The following SERTAD2 variants were observed in gnomAD, a reference collection of about 807,000 sequenced individuals.
SERTAD2 encodes SERTA domain-containing protein 2.
A neutral mutation model predicts 15.4 loss-of-function variants in SERTAD2; 2 were observed. The ratio of observed to expected loss-of-function variants is 0.13; its 90% CI spans 0.05 to 0.41. SERTAD2 has a LOEUF of 0.41. Among genes scored for constraint, SERTAD2 ranks in the 10% least tolerant of loss-of-function variants. SERTAD2 has a pLI of 0.99. For missense variants in SERTAD2, 333 were observed against 409.7 expected, an observed-to-expected ratio of 0.81 and a Z score of 1.62; for synonymous variants, 180 against 178.0, an observed-to-expected ratio of 1.01 and a Z score of -0.09.
At chr2:64,641,376 G>A (rs540252764) in intron 1 of SERTAD2, among the ~76,000 whole-genome samples, 8 of 152,312 alleles carry the variant, frequency 5.3e-5, no homozygotes, top group African/African-American at 1.4e-4. Flanking sequence ...TGGGCTGGGG[G>A]CGGCCGGGAG....
At chr2:64,649,234 GGGGTACACCAGCA>G (rs1448144973) in intron 1 of SERTAD2, among the ~76,000 whole-genome samples, 4 of 152,208 alleles carry the variant, frequency 2.6e-5, no homozygotes, top group Non-Finnish European at 5.9e-5. Context: ...ACACAAGGGT[GGGGTACACCAGCA>G]GGCCTGCTCC....
At chr2:64,641,236 A>C (rs2104343648) in intron 1 of SERTAD2, among the ~76,000 whole-genome samples, 1 of 152,314 alleles carries the variant, frequency 6.6e-6, no homozygotes, top group East Asian at 1.9e-4. Context: ...CAAAAGTAAC[A>C]AATGTCACTA....
chr2:64,638,678 A>G (rs1301721025), intron 1 of SERTAD2, among the ~76,000 whole-genome samples: 1 of 137,432 alleles, frequency 7.3e-6, no homozygotes, highest in Non-Finnish European at 1.6e-5. Flanking sequence ...ATTTCCCCTC[A>G]TTTTGTTAAC....
intron 1 of SERTAD2, among the ~76,000 whole-genome samples, chr2:64,647,924 A>C (rs1457739823): frequency 6.6e-6 from 1 of 152,218 alleles, no homozygotes; most frequent in Non-Finnish European, 1.5e-5. Context: ...TCATGCCTTC[A>C]AATCTGGATG....
At chr2:64,652,518 T>G (rs1027895012) in intron 1 of SERTAD2, among the ~76,000 whole-genome samples, 1 of 152,248 alleles carries the variant, frequency 6.6e-6, no homozygotes, top group African/African-American at 2.4e-5. Flanking sequence ...ACACACATTA[T>G]GGATATTTCT....
rs150104707 is a variant in SERTAD2 at position 64,637,003 on chromosome 2, C to T, written c.-4-128G>A. The T allele has an allele frequency of 2.4e-3, 1,547 of 636,046 alleles. 14 individuals carry two copies. The African/African-American group carries it at 0.025, about 10-fold the overall frequency. 39.4% of individuals were successfully genotyped at this position (636,046 alleles called of 1,614,324 possible). On this transcript the variant is annotated intron_variant, in intron 1 of 1. Coordinates refer to ENST00000313349, the MANE Select transcript of SERTAD2 (RefSeq NM_014755.3). ...CTGCCCAGGGTTATTTACAAGTACACGTGGATTAATTAGGGGTGGGAGGAA... is the reference window on the plus strand; with the variant it reads ...CTGCCCAGGGTTATTTACAAGTACATGTGGATTAATTAGGGGTGGGAGGAA...
intron 1 of SERTAD2, 71 bp from the exon 2 acceptor site, chr2:64,636,946 G>T: frequency 8.9e-7 from 1 of 1,129,276 alleles, no homozygotes; most frequent in Non-Finnish European, 1.3e-6. Flanking sequence ...AAAAGAGACT[G>T]ATTTAGAGGG....
chr2:64,652,806 C>T (rs1323444442), intron 1 of SERTAD2, among the ~76,000 whole-genome samples: 2 of 151,878 alleles, frequency 1.3e-5, no homozygotes, highest in Non-Finnish European at 1.5e-5. Context: ...ACCTAAAACT[C>T]GACTCCCATC....
intron 1 of SERTAD2, among the ~76,000 whole-genome samples, chr2:64,642,608 A>G (rs531791641): frequency 1.3e-5 from 2 of 152,162 alleles, no homozygotes; most frequent in South Asian, 4.1e-4. Context: ...TTTCCAAACT[A>G]CCACTTCTGT....
At chr2:64,642,723 G>GGGGGGC (rs1558654148) in intron 1 of SERTAD2, among the ~76,000 whole-genome samples, 1 of 152,170 alleles carries the variant, frequency 6.6e-6, no homozygotes, top group African/African-American at 2.4e-5. Flanking sequence ...CCCTGGGTTG[G>GGGGGGC]GGGGGCAGGG....
In SERTAD2 at chr2:64,635,638, A is replaced by G; in HGVS notation, c.*289T>C. On this transcript the variant is annotated 3_prime_UTR_variant, in exon 2 of 2. Transcript: ENST00000313349. Reference sequence around the variant, plus strand: ...CAACTTAATCCTTGTGCTTCACTTGAACTGTTTATTTTTGTCATTCAACAT... The same window carrying G: ...CAACTTAATCCTTGTGCTTCACTTGGACTGTTTATTTTTGTCATTCAACAT... 3.2e-6 allele frequency: 1 copy of G among 308,012 alleles called. No individual in the cohort carries two copies. The highest frequency in any genetic ancestry group is 6.1e-6 in the Non-Finnish European group (1 of 164,788). The allele number at this position is 308,012 out of a possible 1,614,324, so 19.1% of individuals were successfully genotyped here. A position where few individuals can be genotyped will look rare whatever the true frequency, so the allele number is the denominator to read the frequency against.
intron 1 of SERTAD2, among the ~76,000 whole-genome samples, chr2:64,640,798 C>T (rs1674760831): frequency 6.6e-6 from 1 of 152,134 alleles, no homozygotes; most frequent in African/African-American, 2.4e-5. Flanking sequence ...TTCTAAAGAC[C>T]CAAAGTGCCC....
chr2:64,644,095 G>A (rs1283149635), intron 1 of SERTAD2, among the ~76,000 whole-genome samples: 1 of 152,126 alleles, frequency 6.6e-6, no homozygotes, highest in African/African-American at 2.4e-5. Flanking sequence ...GAAGTGTGGC[G>A]ATTGTCTTAT....
At chr2:64,639,590 A>C (rs777576512) in intron 1 of SERTAD2, among the ~76,000 whole-genome samples, 28 of 151,964 alleles carry the variant, frequency 1.8e-4, no homozygotes, top group Non-Finnish European at 3.2e-4. Flanking sequence ...GATGGTGTAG[A>C]CTCTTCTTAC....
In SERTAD2 at chr2:64,636,000, A is replaced by G. The variant is rs1454796299; in HGVS notation, c.872T>C (p.Val291Ala). 2.5e-6 allele frequency: 4 copies of G among 1,614,044 alleles called. No homozygotes were observed. The highest frequency in any genetic ancestry group is 2.7e-5 in the African/African-American group (2 of 74,912). ...CATTTTGAAAGGCTGACTTGGGGTGACAGGCTGACTGCTGTAAGGAGCCAG... is the reference window on the plus strand; with the variant it reads ...CATTTTGAAAGGCTGACTTGGGGTGGCAGGCTGACTGCTGTAAGGAGCCAG... Reference protein sequence around the residue: ...KTLAPYSSQPVTPSQPFKMDL... With the variant: ...KTLAPYSSQPATPSQPFKMDL... Residue 291 changes from valine (V) to alanine (A), a missense_variant, in exon 2 of 2, where the codon GTC becomes GCC. Physicochemically the swap from Val to Ala is moderately conservative, Grantham distance 64 (BLOSUM62 0). Around this residue, in one of 2 missense-constraint regions of SERTAD2, gnomAD observed 332 missense variants for 392.9 expected, o/e 0.84. Transcript: ENST00000313349.
intron 1 of SERTAD2, among the ~76,000 whole-genome samples, chr2:64,642,531 C>T (rs1366561099): frequency 1.3e-5 from 2 of 151,630 alleles, no homozygotes; most frequent in African/African-American, 4.9e-5. Flanking sequence ...AATTACTGTC[C>T]TTTAATGTTA....
chr2:64,642,419 T>C (rs1286955357), intron 1 of SERTAD2, among the ~76,000 whole-genome samples: 2 of 152,146 alleles, frequency 1.3e-5, no homozygotes. Context: ...GGAAAAAAAA[T>C]GCAAACAATT....
chr2:64,645,050 A>C (rs1160340942), intron 1 of SERTAD2: 2 of 151,618 alleles, frequency 1.3e-5, no homozygotes, highest in Middle Eastern at 3.2e-3. Context: ...AAAAAAAAAA[A>C]AAAAACACCA....
In SERTAD2 at chr2:64,636,793, C is replaced by T. The variant is rs776716971; in HGVS notation, c.79G>A (p.Gly27Ser). Reference sequence around the variant, plus strand: ...AAGGTGTAAGACACCTTGGATGGACCGTCACAGGGAGACACGATTTTGCCT... The same window carrying T: ...AAGGTGTAAGACACCTTGGATGGACTGTCACAGGGAGACACGATTTTGCCT... ...LEGKIVSPCDGPSKVSYTLQR... is the reference protein window; with the variant it reads ...LEGKIVSPCDSPSKVSYTLQR... Residue 27 changes from glycine (G) to serine (S), a missense_variant, in exon 2 of 2, where the codon GGT becomes AGT. Around this residue, in one of 2 missense-constraint regions of SERTAD2, gnomAD observed 332 missense variants for 392.9 expected, o/e 0.84. Transcript: ENST00000313349. 1.9e-5 allele frequency: 31 copies of T among 1,614,006 alleles called. No homozygotes were observed. Among genetic ancestry groups the T allele is most frequent in the Middle Eastern group, 1.6e-4 (1 of 6,084 alleles).
Sources: gnomAD v4.1 joint callset for allele counts (sites outside exome capture counted in the v4.1 genomes callset) on GRCh38, gnomAD v4.1.1 for gene constraint, gnomAD v4.1.1 regional missense constraint, MANE v1.5 for transcripts, NCBI Gene and HGNC (gene_info 2026-07-23, HGNC 2026-07-21) for gene names.